DYNC1I2: variants seen among roughly 807,000 people sequenced by gnomAD.
DYNC1I2 encodes cytoplasmic dynein 1 intermediate chain 2.
A neutral mutation model predicts 88.6 loss-of-function variants in DYNC1I2; 53 were observed. The ratio of observed to expected loss-of-function variants is 0.60; its 90% confidence interval spans 0.48 to 0.75. The LOEUF (loss-of-function observed/expected upper bound fraction) is 0.75, where lower values mean the gene tolerates loss of function less well. Ranked by LOEUF, DYNC1I2 falls within the 30% of genes least tolerant of loss-of-function variation. DYNC1I2 has a pLI of 0.00. For synonymous variants in DYNC1I2, 198 were observed against 254.6 expected (o/e 0.78, Z 2.12); for missense variants, 458 against 766.6 (o/e 0.60, Z 4.75).
chr2:171,694,475 C>G (rs1033699213), intron 3 of DYNC1I2, among the ~76,000 whole-genome samples: 2 of 151,800 alleles, frequency 1.3e-5, no homozygotes, highest in Non-Finnish European at 2.9e-5. Context: ...CTGACCAACA[C>G]GGAGAAACCC....
chr2:171,700,721 C>T (rs972548676), intron 3 of DYNC1I2, among the ~76,000 whole-genome samples: 1 of 152,054 alleles, frequency 6.6e-6, no homozygotes, highest in Non-Finnish European at 1.5e-5. Context: ...AAGCTTCACC[C>T]CCTGGGTTCC....
At chr2:171,730,033 T>C (rs1688503817) in intron 15 of DYNC1I2, among the ~76,000 whole-genome samples, 180 bp downstream of exon 15, 1 of 152,232 alleles carries the variant, frequency 6.6e-6, no homozygotes, top group South Asian at 2.1e-4. Flanking sequence ...TATAAAAATA[T>C]GCTAACAAGT....
In DYNC1I2 at chr2:171,726,025, T is replaced by C. The variant is rs1242827914; in HGVS notation, c.714T>C (p.Ser238=). The change falls in exon 9 of 18, where the codon TCT becomes TCC. Residue 238 remains serine (S), a synonymous_variant. Coordinates refer to ENST00000397119, the MANE Select transcript of DYNC1I2 (RefSeq NM_001378.3). ...HSTRIVERAL[S]EQINIFFDYS... ...CAAGAATTGTAGAAAGAGCTCTTTCTGAGCAGATTAACATCTTCTTTGACT... is the reference window on the plus strand; with the variant it reads ...CAAGAATTGTAGAAAGAGCTCTTTCCGAGCAGATTAACATCTTCTTTGACT... 5 of 1,594,314 alleles carry C rather than the reference T, an allele frequency of 3.1e-6. No individual in the cohort carries two copies. Among genetic ancestry groups the C allele is most frequent in the Middle Eastern group, 3.4e-4 (2 of 5,954 alleles).
In DYNC1I2 at chr2:171,745,670, GGGGAAATTC is replaced by G. The variant is rs1184579003; in HGVS notation, c.1678-131_1678-123del. ...TATATCACTGAAGAAGAAGAAAGTT[GGGGAAATTC>G]TTACCTGTTTTCATCTTTGTTTTTA... is the stretch of plus-strand genomic sequence containing the variant. On this transcript the variant is annotated intron_variant, in intron 16 of 17. Transcript: ENST00000397119. 8 of 937,896 alleles carry G rather than the reference GGGGAAATTC, an allele frequency of 8.5e-6. No individual in the cohort carries two copies. In the African/African-American group the frequency reaches 1.3e-4, roughly 15 times the overall value. The allele number at this position is 937,896 out of a possible 1,614,324, so 58.1% of individuals were successfully genotyped here. A position where few individuals can be genotyped will look rare whatever the true frequency, so the allele number is the denominator to read the frequency against.
In DYNC1I2 at chr2:171,702,308, A is replaced by G. The variant is rs539459489; in HGVS notation, c.227-4239A>G. ...TCTTGTTGGCAGATTTACCATTATA[A>G]TGGAACCTGTGAAGGGTTAAAGGCT... On this transcript the variant is annotated intron_variant, in intron 3 of 17. Coordinates refer to ENST00000397119, the MANE Select transcript of DYNC1I2 (RefSeq NM_001378.3). Among the ~76,000 whole-genome samples, 25 of 152,320 alleles carry G rather than the reference A, an allele frequency of 1.6e-4. 1 individual carries two copies. The South Asian group carries it at 4.1e-3, about 25-fold the overall frequency.
intron 15 of DYNC1I2, 72 bp downstream of exon 15, chr2:171,729,925 A>G: frequency 6.5e-7 from 1 of 1,531,638 alleles, no homozygotes. Context: ...ACTACATAGG[A>G]ATGATGAAAA....
At chr2:171,733,371 G>A in intron 15 of DYNC1I2, among the ~76,000 whole-genome samples, 1 of 147,064 alleles carries the variant, frequency 6.8e-6, no homozygotes, top group East Asian at 2.1e-4. Flanking sequence ...CTGGGTCTTT[G>A]AGGAATCACC....
chr2:171,696,994 A>AATT (rs538863433), intron 3 of DYNC1I2, among the ~76,000 whole-genome samples: 160 of 150,796 alleles, frequency 1.1e-3, no homozygotes, highest in Middle Eastern at 3.4e-3. Context: ...TATTTTTCTT[A>AATT]ATTATTATTA....
At chr2:171,720,848 A>G (rs542877571) in intron 7 of DYNC1I2, among the ~76,000 whole-genome samples, 27 of 152,352 alleles carry the variant, frequency 1.8e-4, no homozygotes, top group African/African-American at 5.0e-4. Flanking sequence ...TGAAAATTGA[A>G]GCATTTGTTC....
At chr2:171,727,728 A>G in intron 11 of DYNC1I2, 93 bp from the exon 12 acceptor site, 1 of 1,209,638 alleles carries the variant, frequency 8.3e-7, no homozygotes, top group Non-Finnish European at 1.2e-6. Flanking sequence ...CATACAATGA[A>G]GAAAGAAATG....
intron 3 of DYNC1I2, among the ~76,000 whole-genome samples, chr2:171,698,193 T>C (rs1309444434): frequency 2.6e-5 from 4 of 152,196 alleles, no homozygotes; most frequent in Non-Finnish European, 5.9e-5. Flanking sequence ...AGTTGCAGCA[T>C]TGTTTTTGTA....
intron 2 of DYNC1I2, among the ~76,000 whole-genome samples, chr2:171,692,039 A>G (rs1206785969): frequency 6.6e-6 from 1 of 152,138 alleles, no homozygotes; most frequent in Non-Finnish European, 1.5e-5. Context: ...TTCACTCCAG[A>G]CAGTGTCTGA....
chr2:171,727,748 A>G (rs565930711), intron 11 of DYNC1I2, 73 bp from the exon 12 acceptor site: 5 of 1,401,536 alleles, frequency 3.6e-6, no homozygotes, highest in Admixed American at 2.0e-5. Context: ...GTTTCGGATA[A>G]TAGATTGATT....
At chr2:171,723,528 T>C (rs1344291539) in intron 7 of DYNC1I2, among the ~76,000 whole-genome samples, 4 of 152,234 alleles carry the variant, frequency 2.6e-5, no homozygotes, top group Admixed American at 6.5e-5. Context: ...TGGAAGAATT[T>C]CATTCTAATG....
At chr2:171,713,155 G>A (rs758145017) in intron 6 of DYNC1I2, among the ~76,000 whole-genome samples, 3 of 152,002 alleles carry the variant, frequency 2.0e-5, no homozygotes, top group Non-Finnish European at 4.4e-5. Flanking sequence ...TACTTGATAT[G>A]AATATTAATT....
At chr2:171,738,643 A>G (rs947910887) in intron 15 of DYNC1I2, among the ~76,000 whole-genome samples, 1 of 152,206 alleles carries the variant, frequency 6.6e-6, no homozygotes, top group Non-Finnish European at 1.5e-5. Flanking sequence ...TTGATGGAAG[A>G]CATAACATTG....
At chr2:171,697,013 ATTTTT>A (rs1211916091) in intron 3 of DYNC1I2, among the ~76,000 whole-genome samples, 1 of 151,244 alleles carries the variant, frequency 6.6e-6, no homozygotes, top group African/African-American at 2.4e-5. Context: ...TATTATTATT[ATTTTT>A]GAGACAAGGT....
intron 3 of DYNC1I2, among the ~76,000 whole-genome samples, chr2:171,702,555 A>C (rs1686341404): frequency 3.8e-5 from 1 of 26,604 alleles, no homozygotes. Context: ...TCAATATAGA[A>C]TGTACTCCTT....
At chr2:171,746,051 A>G (rs1689755648) in intron 17 of DYNC1I2, 124 bp downstream of exon 17, 2 of 963,512 alleles carry the variant, frequency 2.1e-6, no homozygotes, top group South Asian at 5.2e-5. Context: ...TTGTAAAGAT[A>G]AAACTTACTT....
Sources: allele counts gnomAD v4.1 joint callset (sites outside exome capture counted in the v4.1 genomes callset), GRCh38; gene constraint gnomAD v4.1.1; transcripts MANE v1.5; gene names NCBI Gene and HGNC (gene_info 2026-07-23, HGNC 2026-07-21).